The following MAP3K4 variants were observed in gnomAD, a reference collection of about 807,000 sequenced individuals.
The protein encoded by MAP3K4 is mitogen-activated protein kinase kinase kinase 4.
MAP3K4 carries 67 observed loss-of-function variants against 185.6 expected under a neutral mutation model. The observed-to-expected ratio is 0.36, with a 90% confidence interval of 0.30 to 0.44. The LOEUF (loss-of-function observed/expected upper bound fraction) is 0.44. Ranked by LOEUF, MAP3K4 falls within the 20% of genes least tolerant of loss-of-function variation. MAP3K4 has a pLI of 1.00. For synonymous variants in MAP3K4, 702 were observed against 710.4 expected (o/e 0.99, Z 0.19); for missense variants, 1,551 against 1,995.1 (o/e 0.78, Z 4.24).
At position 161,058,062 on chromosome 6, in the gene MAP3K4, C is replaced by T. The variant is rs939951216; in HGVS notation, c.1707+8083C>T. Among the ~76,000 whole-genome samples, 18 of 152,254 alleles carry T rather than the reference C, an allele frequency of 1.2e-4. No homozygotes were observed. The South Asian group carries it at 1.2e-3, about 11-fold the overall frequency. On this transcript the variant is annotated intron_variant, in intron 3 of 26. Coordinates refer to ENST00000392142, the MANE Select transcript of MAP3K4 (RefSeq NM_005922.4). ...CATTAACTGAACACTCGCTACATGC[C>T]GGGGCAAGGAAGAGGGCTAAGTAAC...
chr6:160,994,408 GACTTC>G (rs1479246583), intron 1 of MAP3K4, among the ~76,000 whole-genome samples: 2 of 152,160 alleles, frequency 1.3e-5, no homozygotes, highest in Non-Finnish European at 2.9e-5. Flanking sequence ...ATTCCTGAGT[GACTTC>G]ACTTAGAGTA....
chr6:161,095,828 A>G (rs1257410702), intron 15 of MAP3K4, among the ~76,000 whole-genome samples: 1 of 152,226 alleles, frequency 6.6e-6, no homozygotes, highest in Non-Finnish European at 1.5e-5. Context: ...TTTTCTTTCC[A>G]ATGAAGTGGA....
rs547392767 is a variant in MAP3K4 at position 161,112,533 on chromosome 6, T to C, written c.4520-135T>C. On this transcript the variant is annotated intron_variant, in intron 24 of 26. Coordinates refer to ENST00000392142, the MANE Select transcript of MAP3K4 (RefSeq NM_005922.4). The surrounding 1 kb of genome is among the most constrained non-coding windows in gnomAD (Gnocchi z 5.1). Reference sequence around the variant, plus strand: ...GTTCAACAAGTTGACTTGAACTGTCTGTAAATTTTTGATATTTCCCATTAC... The same window carrying C: ...GTTCAACAAGTTGACTTGAACTGTCCGTAAATTTTTGATATTTCCCATTAC... 5.7e-6 allele frequency: 3 copies of C among 526,434 alleles called. No individual in the cohort carries two copies. In the African/African-American group the frequency reaches 5.8e-5, roughly 10 times the overall value. 32.6% of individuals were successfully genotyped at this position (526,434 alleles called of 1,614,324 possible).
chr6:161,104,964 G>A (rs1399669021), intron 19 of MAP3K4, among the ~76,000 whole-genome samples: 6 of 152,148 alleles, frequency 3.9e-5, no homozygotes, highest in Non-Finnish European at 8.8e-5. Flanking sequence ...AGTCATCCCA[G>A]CCTTCAAGGA....
rs1175535782 is a variant in MAP3K4 at position 161,061,541 on chromosome 6, C to T, written c.1708-9067C>T. On this transcript the variant is annotated intron_variant, in intron 3 of 26. Coordinates refer to ENST00000392142, the MANE Select transcript of MAP3K4 (RefSeq NM_005922.4). This position sits in a 1 kb window ranked among gnomAD's most constrained non-coding sequence, Gnocchi z 4.2. ...AGTTGTGCAACCATCACCACTGCAA[C>T]CATCCTCACTGTGTAACTTTGGAAC... Among the ~76,000 whole-genome samples, 1 of 152,226 alleles carries T rather than the reference C, an allele frequency of 6.6e-6. No individual in the cohort carries two copies. The highest frequency in any genetic ancestry group is 1.9e-4 in the East Asian group (1 of 5,198).
chr6:161,069,474 T>G (rs1048617220), intron 3 of MAP3K4, among the ~76,000 whole-genome samples: 1 of 151,978 alleles, frequency 6.6e-6, no homozygotes, highest in African/African-American at 2.4e-5. Flanking sequence ...GTTGAGAGTG[T>G]CACGTGGAGG....
At chr6:161,009,047 C>T (rs1215466214) in intron 1 of MAP3K4, among the ~76,000 whole-genome samples, 4 of 150,706 alleles carry the variant, frequency 2.7e-5, no homozygotes, top group East Asian at 2.0e-4. Context: ...TGCAGTGGCA[C>T]GATCTCGGCT....
intron 1 of MAP3K4, among the ~76,000 whole-genome samples, chr6:161,032,758 T>C (rs1782989750): frequency 6.6e-6 from 1 of 152,202 alleles, no homozygotes; most frequent in South Asian, 2.1e-4. Flanking sequence ...CTTTATTGTG[T>C]GATGTTATGA....
At chr6:161,023,406 C>T (rs1356739367) in intron 1 of MAP3K4, among the ~76,000 whole-genome samples, 2 of 152,180 alleles carry the variant, frequency 1.3e-5, no homozygotes, top group Non-Finnish European at 2.9e-5. Flanking sequence ...ATCATGCTAA[C>T]CTAAAGCCGT....
chr6:161,075,210 AGTG>A lies in MAP3K4; in HGVS notation c.2097+1602_2097+1604del, dbSNP rs994215147. On this transcript the variant is annotated intron_variant, in intron 5 of 26. Transcript: ENST00000392142. This position sits in a 1 kb window ranked among gnomAD's most constrained non-coding sequence, Gnocchi z 4.3. Reference sequence around the variant, plus strand: ...TGCTCTGTCACCTAGACTGAAACGCAGTGGTGTGTTGACGGCTTCCTGTAGTCT... The same window carrying A: ...TGCTCTGTCACCTAGACTGAAACGCAGTGTGTTGACGGCTTCCTGTAGTCT... 6.6e-6 allele frequency among the ~76,000 whole-genome samples: 1 copy of A among 152,222 alleles called. No individual in the cohort carries two copies. Among genetic ancestry groups the A allele is most frequent in the African/African-American group, 2.4e-5 (1 of 41,448 alleles).
chr6:160,994,338 C>T (rs989031453), intron 1 of MAP3K4, among the ~76,000 whole-genome samples: 46 of 152,258 alleles, frequency 3.0e-4, no homozygotes, highest in African/African-American at 1.0e-3. Context: ...ATCATTCTTA[C>T]GCCTTTGCAT....
intron 1 of MAP3K4, among the ~76,000 whole-genome samples, chr6:161,028,669 T>C (rs578243003): frequency 6.6e-6 from 1 of 152,080 alleles, no homozygotes; most frequent in Non-Finnish European, 1.5e-5. Flanking sequence ...TTTTTTTTTT[T>C]AAATCTACAT....
At chr6:161,000,081 C>T (rs1388494884) in intron 1 of MAP3K4, among the ~76,000 whole-genome samples, 2 of 152,086 alleles carry the variant, frequency 1.3e-5, no homozygotes, top group South Asian at 2.1e-4. Flanking sequence ...TGTTTATGGT[C>T]GTGACCTACA....
chr6:161,098,551 C>CGACCACCGAGA lies in MAP3K4; in HGVS notation c.3674+124_3674+125insGACCACCGAGA. 3.5e-6 allele frequency: 4 copies of CGACCACCGAGA among 1,138,888 alleles called. No homozygotes were observed. The highest frequency in any genetic ancestry group is 4.8e-6 in the Non-Finnish European group (4 of 831,154). The allele number at this position is 1,138,888 out of a possible 1,614,324, so 70.5% of individuals were successfully genotyped here. ...TCTTTGCTGTGGCGTGTGAGTGATGCTCTAGGGCCTTCCGCAGGTTGTCAC... is the reference window on the plus strand; with the variant it reads ...TCTTTGCTGTGGCGTGTGAGTGATGCGACCACCGAGATCTAGGGCCTTCCGCAGGTTGTCAC... On this transcript the variant is annotated intron_variant, in intron 17 of 26. Coordinates refer to ENST00000392142, the MANE Select transcript of MAP3K4 (RefSeq NM_005922.4). This position sits in a 1 kb window ranked among gnomAD's most constrained non-coding sequence, Gnocchi z 4.4.
chr6:161,081,712 C>T (rs771316710), intron 6 of MAP3K4, among the ~76,000 whole-genome samples: 2 of 152,168 alleles, frequency 1.3e-5, no homozygotes, highest in Non-Finnish European at 2.9e-5. Context: ...GCACAGGCCG[C>T]GTCTCCGTGG....
rs117642534 is a variant in MAP3K4, at chr6:161,062,350, T to C, written c.1708-8258T>C. On this transcript the variant is annotated intron_variant, in intron 3 of 26. Coordinates refer to ENST00000392142, the MANE Select transcript of MAP3K4 (RefSeq NM_005922.4). The stretch of plus-strand genomic sequence containing the variant: ...ATCATACAGCCGTGTATGACAGTAC[T>C]TTCTCCCCCATAGCTGTCATTTAGT... 2.9e-3 allele frequency among the ~76,000 whole-genome samples: 446 copies of C among 152,328 alleles called. 1 individual carries two copies. The highest frequency in any genetic ancestry group is 4.7e-3 in the Non-Finnish European group (320 of 68,022).
At position 161,108,870 on chromosome 6, in the gene MAP3K4, C is replaced by T. The variant is rs374635916; in HGVS notation, c.4236+11C>T. 78 of 1,602,728 alleles carry T rather than the reference C, an allele frequency of 4.9e-5. No individual in the cohort carries two copies. In the African/African-American group the frequency reaches 9.6e-4, roughly 20 times the overall value. On this transcript the variant is annotated intron_variant, in intron 22 of 26. Transcript: ENST00000392142. This position sits in a 1 kb window ranked among gnomAD's most constrained non-coding sequence, Gnocchi z 5.7. ...GTGGAGCTCCATAGAGTAAGCCGAC[C>T]CTAATGCCACTCTTTGTGTGAGGAA... is the stretch of plus-strand genomic sequence containing the variant.
chr6:161,050,275 A>G (rs1307926420), intron 3 of MAP3K4, among the ~76,000 whole-genome samples: 2 of 152,234 alleles, frequency 1.3e-5, no homozygotes, highest in African/African-American at 2.4e-5. Context: ...GAAGAAAGCC[A>G]TAGTCATGGA....
chr6:161,050,503 A>G (rs966711539), intron 3 of MAP3K4, among the ~76,000 whole-genome samples: 6 of 152,222 alleles, frequency 3.9e-5, no homozygotes, highest in South Asian at 2.1e-4. Flanking sequence ...AGCCAACACT[A>G]TCTCGCAAGG....
Sources: gnomAD v4.1 joint callset for allele counts (sites outside exome capture counted in the v4.1 genomes callset) on GRCh38, gnomAD v4.1.1 for gene constraint, Gnocchi (gnomAD v3.1) non-coding constraint, MANE v1.5 for transcripts, NCBI Gene and HGNC (gene_info 2026-07-23, HGNC 2026-07-21) for gene names.